CD82: variants seen among roughly 807,000 people sequenced by gnomAD.
The protein encoded by CD82 is CD82 antigen.
A neutral mutation model predicts 37.4 loss-of-function variants in CD82; 36 were observed. The ratio of observed to expected loss-of-function variants is 0.96; its 90% confidence interval spans 0.74 to 1.27. The LOEUF is 1.27. CD82 is among the 50% of genes most tolerant of loss of function. The probability of loss-of-function intolerance (pLI) is 0.00; values close to 1 mark genes in which losing one functional copy is unlikely to be tolerated. For missense variants in CD82, 340 were observed against 347.0 expected, an observed-to-expected ratio of 0.98 and a Z score of 0.16; for synonymous variants, 158 against 137.4, an observed-to-expected ratio of 1.15 and a Z score of -1.05.
At chr11:44,605,220 C>G in intron 5 of CD82, 38 bp downstream of exon 5, 2 of 1,608,746 alleles carry the variant, frequency 1.2e-6, no homozygotes, top group Non-Finnish European at 1.7e-6. Flanking sequence ...TGCCCATTTC[C>G]TCTCATCCAG....
Position 44,605,134 on chromosome 11 carries a change from C to T in CD82, c.213C>T (p.Phe71=), listed in dbSNP as rs149844780. 197 of 1,614,210 alleles carry T rather than the reference C, an allele frequency of 1.2e-4. 1 individual carries two copies. In the African/African-American group the frequency reaches 2.1e-3, roughly 17 times the overall value. The change falls in exon 5 of 10, where the codon TTC becomes TTT. Residue 71 remains phenylalanine (F), a synonymous_variant. Transcript: ENST00000227155. ...GGGCAGTCACTATGCTCATGGGCTT[C>T]CTGGGCTGCATCGGCGCCGTCAACG... is the stretch of plus-strand genomic sequence containing the variant. The part of the protein sequence containing the change: ...GVGAVTMLMG[F]LGCIGAVNEV...
intron 1 of CD82, among the ~76,000 whole-genome samples, chr11:44,570,345 G>C (rs1311879837): frequency 6.6e-6 from 1 of 152,162 alleles, no homozygotes; most frequent in Admixed American, 6.5e-5. Flanking sequence ...TCTACACTGT[G>C]TACCCTCCTC....
chr11:44,587,281 T>G, intron 1 of CD82, 194 bp from the exon 2 acceptor site: 1 of 378,144 alleles, frequency 2.6e-6, no homozygotes, highest in South Asian at 1.9e-5. Context: ...TATAAGGACC[T>G]GGGGCCTGAT....
At chr11:44,596,152 G>A (rs772289799) in intron 3 of CD82, among the ~76,000 whole-genome samples, 11 of 152,294 alleles carry the variant, frequency 7.2e-5, no homozygotes, top group African/African-American at 9.6e-5. Context: ...CATGGCAGCC[G>A]GGCCTGGAAC....
At chr11:44,575,401 G>A (rs746538440) in intron 1 of CD82, among the ~76,000 whole-genome samples, 42 of 152,358 alleles carry the variant, frequency 2.8e-4, no homozygotes, top group Non-Finnish European at 5.3e-4. Flanking sequence ...AGATGAGTCA[G>A]TGGGGGAAAG....
At chr11:44,596,854 G>T (rs1853234948) in intron 3 of CD82, 1 of 455,314 alleles carries the variant, frequency 2.2e-6, no homozygotes, top group African/African-American at 2.0e-5. Context: ...GTCCTAGGGA[G>T]CAGTGGGCTT....
At chr11:44,608,547 G>A (rs1395139977) in intron 6 of CD82, among the ~76,000 whole-genome samples, 1 of 152,204 alleles carries the variant, frequency 6.6e-6, no homozygotes, top group Admixed American at 6.5e-5. Context: ...GACATTCTGG[G>A]CATGCTACTC....
intron 1 of CD82, among the ~76,000 whole-genome samples, chr11:44,583,600 T>C (rs1430093243): frequency 6.6e-6 from 1 of 152,130 alleles, no homozygotes; most frequent in East Asian, 1.9e-4. Context: ...CCTTGTTCAT[T>C]TGGGCAGCAG....
chr11:44,565,297 G>A (rs539252289), upstream of CD82, among the ~76,000 whole-genome samples: 27 of 152,322 alleles, frequency 1.8e-4, no homozygotes, highest in African/African-American at 6.3e-4. Flanking sequence ...GGGAGGGCCC[G>A]GGAGGAGACC....
Position 44,618,311 on chromosome 11 carries a change from C to G in CD82, c.588C>G (p.Pro196=). Residue 196 remains proline, a synonymous_variant, in exon 8 of 10, where the codon CCC becomes CCG. Transcript: ENST00000227155. ...LSVRKGFCEA[P]GNRTQSGNHP... is the part of the protein sequence containing the mutation. ...TGAGGAAGGGCTTCTGCGAGGCCCC[C>G]GGCAACAGGACCCAGAGTGGCAACC... 1 of 1,613,762 alleles carries G rather than the reference C, an allele frequency of 6.2e-7. No individual in the cohort carries two copies.
chr11:44,616,471 G>A (rs1853565781), intron 7 of CD82, among the ~76,000 whole-genome samples: 1 of 152,136 alleles, frequency 6.6e-6, no homozygotes, highest in Non-Finnish European at 1.5e-5. Context: ...AGGAGAAGTG[G>A]GTCCCTTGGG....
At chr11:44,592,423 C>A (rs1355107495) in intron 2 of CD82, among the ~76,000 whole-genome samples, 1 of 152,228 alleles carries the variant, frequency 6.6e-6, no homozygotes, top group Non-Finnish European at 1.5e-5. Context: ...TCTCTTGGGG[C>A]ATGCCCCGTA....
intron 2 of CD82, among the ~76,000 whole-genome samples, chr11:44,593,905 CAT>C (rs1290281506): frequency 6.6e-6 from 1 of 151,838 alleles, no homozygotes; most frequent in Admixed American, 6.6e-5. Context: ...ATTTTATCAA[CAT>C]ATAGAGAGTG....
intron 1 of CD82, among the ~76,000 whole-genome samples, chr11:44,576,072 C>T (rs1410909953): frequency 2.0e-5 from 3 of 152,174 alleles, no homozygotes; most frequent in Non-Finnish European, 2.9e-5. Context: ...GGATCTTGCT[C>T]CACTTCTTAT....
intron 6 of CD82, among the ~76,000 whole-genome samples, chr11:44,612,463 G>C (rs954753160): frequency 6.6e-6 from 1 of 150,894 alleles, no homozygotes; most frequent in Non-Finnish European, 1.5e-5. Flanking sequence ...TTTGATAAAA[G>C]TTAGCCACTA....
chr11:44,573,146 C>G (rs1247500866), intron 1 of CD82: 1 of 152,242 alleles, frequency 6.6e-6, no homozygotes, highest in Non-Finnish European at 1.5e-5. Context: ...TGAGGTGTTT[C>G]CCTGGCAGAG....
rs952498702 is a variant in CD82 at position 44,582,157 on chromosome 11, G to A, written c.-102-5318G>A. 3.4e-4 allele frequency among the ~76,000 whole-genome samples: 51 copies of A among 147,976 alleles called. No individual in the cohort carries two copies. In the Middle Eastern group the frequency reaches 0.01, roughly 30 times the overall value. On this transcript the variant is annotated intron_variant, in intron 1 of 9. Coordinates refer to ENST00000227155, the MANE Select transcript of CD82 (RefSeq NM_002231.4). ...CCCCTGTGTGACCAGGGCCAGTGCCGCCACCCTCCTGAATCCCAGTGATCC... is the reference window on the plus strand; with the variant it reads ...CCCCTGTGTGACCAGGGCCAGTGCCACCACCCTCCTGAATCCCAGTGATCC...
intron 1 of CD82, among the ~76,000 whole-genome samples, chr11:44,586,579 C>A (rs1000193609): frequency 5.9e-5 from 9 of 152,230 alleles, no homozygotes; most frequent in Non-Finnish European, 1.2e-4. Flanking sequence ...TCACTTAAGC[C>A]CAGGAGGTTG....
chr11:44,609,127 A>G (rs918358954), intron 6 of CD82, among the ~76,000 whole-genome samples: 2 of 152,078 alleles, frequency 1.3e-5, no homozygotes, highest in Non-Finnish European at 1.5e-5. Context: ...TTGTTTATCC[A>G]GCCTCTGGTG....
Sources: allele counts gnomAD v4.1 joint callset (sites outside exome capture counted in the v4.1 genomes callset), GRCh38; gene constraint gnomAD v4.1.1; transcripts MANE v1.5; gene names NCBI Gene and HGNC (gene_info 2026-07-23, HGNC 2026-07-21).